GPHN: variants seen among roughly 807,000 people sequenced by gnomAD.
GPHN encodes gephyrin.
A neutral mutation model predicts 95.5 loss-of-function variants in GPHN; 17 were observed. The observed-to-expected ratio is 0.18, with a 90% CI of 0.12 to 0.27. GPHN has a LOEUF of 0.27. GPHN is among the 10% of genes least tolerant of loss of function. The pLI, the probability that GPHN is intolerant of heterozygous loss-of-function variation, is 1.00. For missense variants in GPHN, 660 were observed against 978.1 expected (o/e 0.67, Z 4.34); for synonymous variants, 320 against 322.5 (o/e 0.99, Z 0.08).
At chr14:66,762,856 G>A (rs1314890868) in intron 2 of GPHN, among the ~76,000 whole-genome samples, 4 of 152,158 alleles carry the variant, frequency 2.6e-5, no homozygotes, top group Admixed American at 2.6e-4. Context: ...ACCTCACTAA[G>A]GATGACTGTA....
chr14:67,306,492 C>T, the GPHN span, among the ~76,000 whole-genome samples: 1 of 150,910 alleles, frequency 6.6e-6, no homozygotes, highest in African/African-American at 2.4e-5. Flanking sequence ...TACAGGCGCC[C>T]GCCACCATGC....
the GPHN span, chr14:67,365,134 A>G: frequency 9.5e-7 from 1 of 1,054,386 alleles, no homozygotes; most frequent in Non-Finnish European, 1.3e-6. Context: ...AACCTTTTAC[A>G]TACAAAGTTG....
chr14:67,594,637 G>A, the GPHN span, among the ~76,000 whole-genome samples: 1 of 150,444 alleles, frequency 6.6e-6, no homozygotes, highest in Non-Finnish European at 1.5e-5. Context: ...TGATGACAGA[G>A]TGAGACATCT....
the GPHN span, among the ~76,000 whole-genome samples, chr14:67,629,906 A>G: frequency 6.6e-6 from 1 of 152,252 alleles, no homozygotes; most frequent in African/African-American, 2.4e-5. Flanking sequence ...CAGAAAGTCC[A>G]CTTAAAAGTG....
At chr14:67,583,915 A>G in the GPHN span, 1 of 1,611,926 alleles carries the variant, frequency 6.2e-7, no homozygotes, top group African/African-American at 1.3e-5. Context: ...GCAGCAAGTC[A>G]CTGTGGGGAG....
At chr14:67,279,601 A>C in the GPHN span, 1 of 1,416,488 alleles carries the variant, frequency 7.1e-7, no homozygotes, top group Non-Finnish European at 9.4e-7. Context: ...CTTATAATGT[A>C]TATGAGAAGG....
intron 1 of GPHN, among the ~76,000 whole-genome samples, chr14:66,547,833 C>T (rs185117506): frequency 1.8e-4 from 28 of 152,220 alleles, no homozygotes; most frequent in Admixed American, 1.6e-3. Context: ...ATCCTGATAA[C>T]CTTTCACAGG....
the GPHN span, among the ~76,000 whole-genome samples, chr14:67,433,638 T>G: frequency 6.6e-6 from 1 of 151,920 alleles, no homozygotes; most frequent in Non-Finnish European, 1.5e-5. Context: ...TCAAAAAAAT[T>G]TTTGTGGGGG....
chr14:67,573,478 C>T, the GPHN span: 6,728 of 878,360 alleles, frequency 7.7e-3, 55 homozygotes, highest in Middle Eastern at 0.013. The surrounding 1 kb of genome is among the most constrained non-coding windows in gnomAD (Gnocchi z 4.8). Context: ...GGAATGTGGC[C>T]CAAGGCCAGA....
At chr14:66,838,119 A>G (rs1297196530) in intron 4 of GPHN, among the ~76,000 whole-genome samples, 1 of 152,152 alleles carries the variant, frequency 6.6e-6, no homozygotes, top group Non-Finnish European at 1.5e-5. Flanking sequence ...TGAATCTTAG[A>G]TCCACCTGTT....
At chr14:67,214,663 C>G in the GPHN span, among the ~76,000 whole-genome samples, 3 of 151,842 alleles carry the variant, frequency 2.0e-5, no homozygotes, top group East Asian at 5.8e-4. Context: ...TTTTTTGGTT[C>G]CATATGAACT....
chr14:67,022,568 GGTGTGTGTGTGTGT>G (rs72312422), intron 9 of GPHN, among the ~76,000 whole-genome samples: 27 of 20,880 alleles, frequency 1.3e-3, no homozygotes, highest in Non-Finnish European at 2.1e-3. Flanking sequence ...TTTTTTTTTT[GGTGTGTGTGTGTGT>G]GTGTGTGTGT....
chr14:66,808,883 A>G (rs1421267798), intron 3 of GPHN, among the ~76,000 whole-genome samples: 1 of 152,238 alleles, frequency 6.6e-6, no homozygotes, highest in Non-Finnish European at 1.5e-5. Context: ...GTGTCAAGGA[A>G]TTCTTCATGG....
At chr14:66,880,651 C>T (rs1160985005) in intron 5 of GPHN, among the ~76,000 whole-genome samples, 1 of 151,818 alleles carries the variant, frequency 6.6e-6, no homozygotes, top group South Asian at 2.1e-4. Flanking sequence ...AAAAAAGAAG[C>T]TCAATTCATA....
chr14:67,053,735 T>C (rs770716792), intron 10 of GPHN, among the ~76,000 whole-genome samples: 1 of 152,092 alleles, frequency 6.6e-6, no homozygotes, highest in Non-Finnish European at 1.5e-5. Flanking sequence ...ACAAACCGAA[T>C]CCAGCAGCAC....
At chr14:67,185,549 CTA>C (rs2083364529), downstream of GPHN, among the ~76,000 whole-genome samples, 1 of 152,048 alleles carries the variant, frequency 6.6e-6, no homozygotes, top group African/African-American at 2.4e-5. Flanking sequence ...ACATAAAAGG[CTA>C]TAGAAGATGT....
intron 1 of GPHN, among the ~76,000 whole-genome samples, chr14:66,618,923 T>A (rs1374376336): frequency 6.6e-6 from 1 of 152,230 alleles, no homozygotes; most frequent in Non-Finnish European, 1.5e-5. Flanking sequence ...TTCCCTTTTG[T>A]TCTCCCTTAT....
chr14:66,558,967 T>A (rs1301169351), intron 1 of GPHN, among the ~76,000 whole-genome samples: 1 of 144,966 alleles, frequency 6.9e-6, no homozygotes, highest in Non-Finnish European at 1.5e-5. Context: ...AATTCCCACC[T>A]ATGAGTGAGA....
chr14:67,305,069 G>C, the GPHN span, among the ~76,000 whole-genome samples: 1 of 152,130 alleles, frequency 6.6e-6, no homozygotes, highest in Non-Finnish European at 1.5e-5. Context: ...AGGAAATATA[G>C]TTTGTCTTTG....
Sources: allele counts gnomAD v4.1 joint callset (sites outside exome capture counted in the v4.1 genomes callset), GRCh38; gene constraint gnomAD v4.1.1; non-coding constraint Gnocchi (gnomAD v3.1); transcripts MANE v1.5; gene names NCBI Gene and HGNC (gene_info 2026-07-23, HGNC 2026-07-21).